AK3: variants seen among roughly 807,000 people sequenced by gnomAD.
AK3 encodes the protein GTP:AMP phosphotransferase AK3, mitochondrial.
Under a neutral mutation model 23.7 loss-of-function variants are expected in AK3, and 27 were observed. The ratio of observed to expected loss-of-function variants is 1.14; its 90% CI spans 0.84 to 1.57. The LOEUF is 1.57. AK3 is among the 40% of genes most tolerant of loss of function. The pLI, the probability that AK3 is intolerant of heterozygous loss-of-function variation, is 0.00. For synonymous variants in AK3, 159 were observed against 116.0 expected, an observed-to-expected ratio of 1.37 and a Z score of -2.38; for missense variants, 406 against 285.6, an observed-to-expected ratio of 1.42 and a Z score of -3.04.
chr9:4,741,312 C>T, upstream of AK3: 1 of 416,458 alleles, frequency 2.4e-6, no homozygotes, highest in Non-Finnish European at 4.0e-6. Context: ...CACCCCCCGC[C>T]CCCGACCGAG....
In AK3 at chr9:4,732,951, C is replaced by A. The variant is rs535955558; in HGVS notation, c.151+7986G>T. On this transcript the variant is annotated intron_variant, in intron 1 of 4. Coordinates refer to ENST00000381809, the MANE Select transcript of AK3 (RefSeq NM_016282.4). ...GTCTCAAACCCCTGGGCTCAAGCAT[C>A]CTCCCAGCTTAGCTTCCCAAGTAGT... Among the ~76,000 whole-genome samples the A allele has an allele frequency of 2.0e-5, 3 of 151,892 alleles. No individual in the cohort carries two copies. The South Asian group carries it at 6.2e-4, about 32-fold the overall frequency.
chr9:4,726,947 G>T (rs10122613), intron 1 of AK3, among the ~76,000 whole-genome samples: 5,919 of 152,092 alleles, frequency 0.039, 368 homozygotes, highest in African/African-American at 0.14. Context: ...ATGAATTTCC[G>T]TGTACATCTC....
intron 4 of AK3, among the ~76,000 whole-genome samples, chr9:4,714,111 TACACACCTCCACATATAC>T (rs1841649666): frequency 6.5e-4 from 6 of 9,232 alleles, no homozygotes; most frequent in African/African-American, 1.8e-3. Context: ...CCTACACATA[TACACACCTCCACATATAC>T]ACACCTACAC....
intron 1 of AK3, among the ~76,000 whole-genome samples, chr9:4,731,514 G>T (rs923017059): frequency 2.0e-5 from 3 of 149,964 alleles, no homozygotes; most frequent in Non-Finnish European, 4.4e-5. Context: ...ATATCAATAA[G>T]CATTTATCCA....
At position 4,735,336 on chromosome 9, in the gene AK3, T is replaced by TACCTAC. The variant is rs1348381001; in HGVS notation, c.151+5600_151+5601insGTAGGT. Among the ~76,000 whole-genome samples the TACCTAC allele has an allele frequency of 3.8e-4, 43 of 111,974 alleles. 12 individuals carry two copies. The highest frequency in any genetic ancestry group is 5.8e-4 in the Admixed American group (5 of 8,560). 73.5% of individuals were successfully genotyped at this position (111,974 alleles called of 152,430 possible). A position where few individuals can be genotyped will look rare whatever the true frequency, so the allele number is the denominator to read the frequency against. On this transcript the variant is annotated intron_variant, in intron 1 of 4. Transcript: ENST00000381809. Reference sequence around the variant, plus strand: ...AAATATATATATACATATATAAATATATATATACATATATAAATATATATA... The same window carrying TACCTAC: ...AAATATATATATACATATATAAATATACCTACATATATACATATATAAATATATATA...
At chr9:4,737,015 GC>G (rs59452771) in intron 1 of AK3, among the ~76,000 whole-genome samples, 28,370 of 151,858 alleles carry the variant, frequency 0.19, 3,166 homozygotes, top group East Asian at 0.44. Context: ...CTACAGTGCA[GC>G]TTTCTCAGAC....
Position 4,734,318 on chromosome 9 carries a change from A to ATAAATTACGTGGTT in AK3, c.151+6618_151+6619insAACCACGTAATTTA, listed in dbSNP as rs56740996. On this transcript the variant is annotated intron_variant, in intron 1 of 4. Coordinates refer to ENST00000381809, the MANE Select transcript of AK3 (RefSeq NM_016282.4). ...TTCTAGCCTCCAGAACTATAAGAAA[A>ATAAATTACGTGGTT]TAAGCCCCCTAGTGTGTGGTATTGT... Among the ~76,000 whole-genome samples the ATAAATTACGTGGTT allele has an allele frequency of 1.8e-4, 27 of 151,844 alleles. No homozygotes were observed. The East Asian group carries it at 5.2e-3, about 29-fold the overall frequency.
At chr9:4,727,562 C>T (rs4615631) in intron 1 of AK3, among the ~76,000 whole-genome samples, 75,763 of 152,096 alleles carry the variant, frequency 0.5, 20,201 homozygotes, top group East Asian at 0.74. Context: ...TTGCTCTGGA[C>T]TGGGCTTTGG....
intron 1 of AK3, among the ~76,000 whole-genome samples, chr9:4,740,703 A>AC (rs1447091951): frequency 1.3e-5 from 2 of 151,976 alleles, no homozygotes; most frequent in Admixed American, 6.5e-5. Flanking sequence ...TTCGAGCTCG[A>AC]CCTAACTTTC....
intron 4 of AK3, among the ~76,000 whole-genome samples, chr9:4,716,764 T>A (rs1332029211): frequency 6.6e-6 from 1 of 152,014 alleles, no homozygotes; most frequent in African/African-American, 2.4e-5. Flanking sequence ...GCCCCAGCTC[T>A]AAAAAAAATT....
intron 1 of AK3, among the ~76,000 whole-genome samples, chr9:4,739,990 G>A (rs1212130975): frequency 6.8e-6 from 1 of 147,954 alleles, no homozygotes; most frequent in African/African-American, 2.5e-5. Flanking sequence ...CGAAGAATGG[G>A]ACTGAGGTAG....
intron 1 of AK3, among the ~76,000 whole-genome samples, chr9:4,729,384 G>A (rs993169427): frequency 6.6e-6 from 1 of 152,104 alleles, no homozygotes; most frequent in Non-Finnish European, 1.5e-5. Context: ...GCTGAGGCAG[G>A]AGGCTGAGGC....
chr9:4,731,617 G>C (rs1842156234), intron 1 of AK3, among the ~76,000 whole-genome samples: 1 of 150,426 alleles, frequency 6.6e-6, no homozygotes, highest in African/African-American at 2.4e-5. Context: ...AGTCTAAGCA[G>C]TTAACATATT....
At chr9:4,724,119 G>A (rs1841967001) in intron 1 of AK3, among the ~76,000 whole-genome samples, 3 of 152,180 alleles carry the variant, frequency 2.0e-5, no homozygotes, top group East Asian at 1.9e-4. Flanking sequence ...TTTGCAGACT[G>A]CACTTAGAAG....
At chr9:4,729,235 C>G (rs1363327506) in intron 1 of AK3, among the ~76,000 whole-genome samples, 1 of 151,976 alleles carries the variant, frequency 6.6e-6, no homozygotes, top group African/African-American at 2.4e-5. Context: ...GTGCTGAACT[C>G]CTGACTTTGG....
chr9:4,726,845 G>A (rs542134063), intron 1 of AK3, among the ~76,000 whole-genome samples: 186 of 151,842 alleles, frequency 1.2e-3, no homozygotes, highest in African/African-American at 4.3e-3. Context: ...CTTATGAAAT[G>A]TGTTTTTTAA....
intron 1 of AK3, among the ~76,000 whole-genome samples, chr9:4,724,930 TGAAAAG>T (rs1386360051): frequency 2.6e-5 from 4 of 151,836 alleles, no homozygotes; most frequent in African/African-American, 7.3e-5. Context: ...AATATCCAGA[TGAAAAG>T]GAATGAAGTT....
At chr9:4,735,446 A>AATATATATATAAATATATAT (rs1436157809) in intron 1 of AK3, among the ~76,000 whole-genome samples, 2 of 123,708 alleles carry the variant, frequency 1.6e-5, no homozygotes, top group East Asian at 2.2e-4. Flanking sequence ...TACATATATA[A>AATATATATATAAATATATAT]ATATATACAT....
At chr9:4,740,769 G>T (rs1279284919) in intron 1 of AK3, among the ~76,000 whole-genome samples, 168 bp downstream of exon 1, 1 of 152,196 alleles carries the variant, frequency 6.6e-6, no homozygotes, top group South Asian at 2.1e-4. Context: ...CACGGAGGCC[G>T]GAGGTTTTGG....
Sources: gnomAD v4.1 joint callset for allele counts (sites outside exome capture counted in the v4.1 genomes callset) on GRCh38, gnomAD v4.1.1 for gene constraint, MANE v1.5 for transcripts, NCBI Gene and HGNC (gene_info 2026-07-23, HGNC 2026-07-21) for gene names.